The following RBMS3 variants were observed in gnomAD, a reference collection of about 807,000 sequenced individuals.
RBMS3 encodes the protein RNA binding motif single stranded interacting protein 3, also known as RNA-binding motif, single-stranded-interacting protein 3.
In RBMS3, 27 loss-of-function variants were observed where a neutral mutation model predicts 66.8. The ratio of observed to expected loss-of-function variants is 0.40; its 90% CI spans 0.30 to 0.56. RBMS3 has a LOEUF of 0.56. Among genes scored for constraint, RBMS3 ranks in the 20% least tolerant of loss-of-function variants. The probability of loss-of-function intolerance (pLI) is 0.40; values close to 1 mark genes in which losing one functional copy is unlikely to be tolerated. For missense variants in RBMS3, 513 were observed against 549.5 expected, an observed-to-expected ratio of 0.93 and a Z score of 0.66; for synonymous variants, 188 against 183.0, an observed-to-expected ratio of 1.03 and a Z score of -0.22.
intron 14 of RBMS3, among the ~76,000 whole-genome samples, chr3:30,002,227 A>C (rs1255188755): frequency 6.6e-6 from 1 of 152,016 alleles, no homozygotes. Flanking sequence ...CAAGTACTTG[A>C]GCTTGATGGG....
intron 6 of RBMS3, among the ~76,000 whole-genome samples, chr3:29,800,816 AT>A (rs3070791): frequency 1.8e-4 from 26 of 148,486 alleles, no homozygotes; most frequent in South Asian, 1.7e-3. Context: ...GAGAACACAC[AT>A]TTTTTTTCCA....
Position 29,716,659 on chromosome 3 carries a change from G to A in RBMS3, c.400-23061G>A, listed in dbSNP as rs780125907. 3.9e-5 allele frequency among the ~76,000 whole-genome samples: 6 copies of A among 152,038 alleles called. No individual in the cohort carries two copies. The East Asian group carries it at 5.8e-4, about 15-fold the overall frequency. On this transcript the variant is annotated intron_variant, in intron 4 of 14. Transcript: ENST00000383767. ...TTGTTATATATAAGTACAGTAAAAC[G>A]AAACCTTCCCCTTGTGTAGGATACT...
At chr3:29,328,650 A>C (rs931087916) in intron 1 of RBMS3, among the ~76,000 whole-genome samples, 1 of 151,996 alleles carries the variant, frequency 6.6e-6, no homozygotes, top group Non-Finnish European at 1.5e-5. Flanking sequence ...CACTTAGTTA[A>C]CTTTTATTTT....
At chr3:29,993,216 TTTAA>T (rs1198745678) in intron 14 of RBMS3, among the ~76,000 whole-genome samples, 2 of 152,210 alleles carry the variant, frequency 1.3e-5, no homozygotes, top group African/African-American at 4.8e-5. Flanking sequence ...TTATTGTTAA[TTTAA>T]TTGACATAGC....
intron 6 of RBMS3, among the ~76,000 whole-genome samples, chr3:29,778,064 C>T (rs59439295): frequency 0.022 from 3,403 of 151,946 alleles, 141 homozygotes; most frequent in African/African-American, 0.078. Context: ...GCCTCCTGTT[C>T]ATTCAGAAAA....
rs200997680 is a variant in RBMS3, at chr3:29,801,272, C to CTTTTTTTTTTTTTTTTTT, written c.637+38296_637+38297insTTTTTTTTTTTTTTTTTT. The stretch of plus-strand genomic sequence containing the variant: ...AACTTGAAGAATCATTGCTTTTTTT[C>CTTTTTTTTTTTTTTTTTT]TTTTTTTTTTTTTGAGACAAAGTCT... On this transcript the variant is annotated intron_variant, in intron 6 of 14. Coordinates refer to ENST00000383767, the MANE Select transcript of RBMS3 (RefSeq NM_001003793.3). Among the ~76,000 whole-genome samples the CTTTTTTTTTTTTTTTTTT allele has an allele frequency of 2.3e-4, 30 of 129,458 alleles. 1 individual carries two copies. The highest frequency in any genetic ancestry group is 7.2e-4 in the African/African-American group (24 of 33,288). The allele number at this position is 129,458 out of a possible 152,430, so 84.9% of individuals were successfully genotyped here.
At chr3:29,712,307 T>A (rs2053206347) in intron 4 of RBMS3, among the ~76,000 whole-genome samples, 1 of 152,024 alleles carries the variant, frequency 6.6e-6, no homozygotes, top group African/African-American at 2.4e-5. Context: ...TTTGTTAATT[T>A]TTATTTATTA....
At chr3:29,817,906 T>A (rs922071175) in intron 6 of RBMS3, among the ~76,000 whole-genome samples, 3 of 152,142 alleles carry the variant, frequency 2.0e-5, no homozygotes, top group Admixed American at 2.0e-4. Context: ...CCAAATATAA[T>A]CATGCATTCA....
intron 7 of RBMS3, among the ~76,000 whole-genome samples, chr3:29,876,831 GA>G (rs11432606): frequency 2.7e-5 from 4 of 148,648 alleles, no homozygotes; most frequent in Admixed American, 6.7e-5. Flanking sequence ...GTCTAGAGGT[GA>G]AAAAAAAAAG....
chr3:29,560,781 G>C (rs2046522951), intron 3 of RBMS3, among the ~76,000 whole-genome samples: 1 of 152,182 alleles, frequency 6.6e-6, no homozygotes, highest in African/African-American at 2.4e-5. Flanking sequence ...GTGCAGGTTT[G>C]TTACATAGGT....
intron 1 of RBMS3, among the ~76,000 whole-genome samples, chr3:29,418,937 G>A (rs2040590519): frequency 6.6e-6 from 1 of 152,072 alleles, no homozygotes; most frequent in Non-Finnish European, 1.5e-5. Flanking sequence ...TTGTCTTCGA[G>A]AACTCCAGTT....
At chr3:29,392,493 A>G (rs763951859) in intron 1 of RBMS3, among the ~76,000 whole-genome samples, 1 of 152,164 alleles carries the variant, frequency 6.6e-6, no homozygotes, top group Non-Finnish European at 1.5e-5. Context: ...CATTCAGTAA[A>G]TATTTGTAAA....
chr3:29,612,141 A>G (rs2048514241), intron 4 of RBMS3, among the ~76,000 whole-genome samples: 1 of 152,072 alleles, frequency 6.6e-6, no homozygotes, highest in South Asian at 2.1e-4. Context: ...GAAGTATTCG[A>G]CCAAAGTTAA....
intron 5 of RBMS3, among the ~76,000 whole-genome samples, chr3:29,750,086 C>A (rs2055104473): frequency 6.6e-6 from 1 of 152,080 alleles, no homozygotes; most frequent in Admixed American, 6.6e-5. Flanking sequence ...ACAAAAAAGT[C>A]ATAAAAATCA....
chr3:29,283,304 A>G (rs1419636008), intron 1 of RBMS3, among the ~76,000 whole-genome samples: 3 of 152,164 alleles, frequency 2.0e-5, no homozygotes, highest in African/African-American at 7.2e-5. Flanking sequence ...GTTTTCTACT[A>G]TGGTATATAT....
At chr3:29,739,677 C>T in intron 4 of RBMS3, 43 bp from the exon 5 acceptor site, 2 of 1,479,384 alleles carry the variant, frequency 1.4e-6, no homozygotes, top group South Asian at 1.4e-5. Context: ...CAATGTTTCT[C>T]AATACTCAGA....
intron 1 of RBMS3, among the ~76,000 whole-genome samples, chr3:29,333,173 G>T (rs2035761044): frequency 6.6e-6 from 1 of 152,054 alleles, no homozygotes; most frequent in South Asian, 2.1e-4. Flanking sequence ...ATATCAGAGA[G>T]AAATTAAGGG....
chr3:29,935,064 AAT>A (rs1363934708), intron 10 of RBMS3, among the ~76,000 whole-genome samples: 1 of 152,108 alleles, frequency 6.6e-6, no homozygotes, highest in Non-Finnish European at 1.5e-5. Context: ...GTTGTTATAA[AAT>A]ATGTTTCTAC....
intron 1 of RBMS3, among the ~76,000 whole-genome samples, chr3:29,331,433 T>C (rs1198371373): frequency 6.6e-6 from 1 of 152,156 alleles, no homozygotes; most frequent in African/African-American, 2.4e-5. Context: ...AAAGCTATCC[T>C]TTGTTGAATT....
Sources: gnomAD v4.1 joint callset for allele counts (sites outside exome capture counted in the v4.1 genomes callset) on GRCh38, gnomAD v4.1.1 for gene constraint, MANE v1.5 for transcripts, NCBI Gene and HGNC (gene_info 2026-07-23, HGNC 2026-07-21) for gene names.